Variants in UGGT2 observed in about 807,000 individuals in gnomAD.
The protein encoded by UGGT2 is UDP-glucose glycoprotein glucosyltransferase 2, also known as UDP-glucose:glycoprotein glucosyltransferase 2.
In UGGT2, 180 loss-of-function variants were observed where a neutral mutation model predicts 192.1. The observed-to-expected ratio is 0.94, with a 90% CI of 0.83 to 1.06. The LOEUF (loss-of-function observed/expected upper bound fraction) is 1.06, where lower values mean the gene tolerates loss of function less well. UGGT2 is among the 50% of genes least tolerant of loss of function. UGGT2 has a pLI of 0.00. For synonymous variants in UGGT2, 580 were observed against 591.0 expected (o/e 0.98, Z 0.27); for missense variants, 1,849 against 1,795.7 (o/e 1.03, Z -0.54).
At chr13:95,859,229 G>A (rs1889917798) in intron 33 of UGGT2, among the ~76,000 whole-genome samples, 1 of 152,044 alleles carries the variant, frequency 6.6e-6, no homozygotes, top group Non-Finnish European at 1.5e-5. Flanking sequence ...TATAGTCTTT[G>A]TATTTTCTTG....
intron 30 of UGGT2, among the ~76,000 whole-genome samples, chr13:95,863,995 T>C (rs1890408230): frequency 6.6e-6 from 1 of 152,182 alleles, no homozygotes. Context: ...CATTATCTAC[T>C]AGTATTTCTG....
intron 5 of UGGT2, among the ~76,000 whole-genome samples, chr13:96,011,037 A>G (rs2052145906): frequency 6.6e-6 from 1 of 152,212 alleles, no homozygotes; most frequent in Admixed American, 6.5e-5. Flanking sequence ...AACAAATGTT[A>G]AAACAACTAG....
intron 20 of UGGT2, among the ~76,000 whole-genome samples, chr13:95,909,739 A>G (rs1235579039): frequency 9.2e-6 from 1 of 108,804 alleles, no homozygotes; most frequent in Non-Finnish European, 1.9e-5. Context: ...GTACCCTAAA[A>G]CTTGAAGTAT....
intron 2 of UGGT2, 58 bp downstream of exon 2, chr13:96,031,831 A>T (rs2052844227): frequency 7.6e-7 from 1 of 1,312,400 alleles, no homozygotes; most frequent in Admixed American, 2.0e-5. Context: ...AATAATAAAC[A>T]TTACAATGTG....
intron 20 of UGGT2, among the ~76,000 whole-genome samples, chr13:95,919,687 C>T (rs181809493): frequency 6.6e-6 from 1 of 152,222 alleles, no homozygotes; most frequent in Non-Finnish European, 1.5e-5. Flanking sequence ...CAAACCACTG[C>T]TCAAAGGAAA....
intron 4 of UGGT2, 110 bp from the exon 5 acceptor site, chr13:96,013,591 A>G: frequency 1.4e-6 from 1 of 699,956 alleles, no homozygotes; most frequent in Non-Finnish European, 2.0e-6. Flanking sequence ...AATCACAGAA[A>G]AAGAATTTAA....
intron 36 of UGGT2, among the ~76,000 whole-genome samples, chr13:95,844,864 T>G (rs1038561548): frequency 1.3e-4 from 20 of 152,324 alleles, no homozygotes; most frequent in Admixed American, 1.0e-3. Context: ...CTTGCTGTGT[T>G]TCTGATCTTA....
At chr13:95,915,880 A>G (rs779789923) in intron 20 of UGGT2, among the ~76,000 whole-genome samples, 7 of 152,212 alleles carry the variant, frequency 4.6e-5, no homozygotes, top group Non-Finnish European at 8.8e-5. Flanking sequence ...CCAGGATTAT[A>G]AAGACAGAGC....
intron 17 of UGGT2, among the ~76,000 whole-genome samples, chr13:95,931,320 G>C (rs1431048018): frequency 3.3e-5 from 5 of 152,168 alleles, no homozygotes; most frequent in Non-Finnish European, 5.9e-5. Context: ...CAATCCCTCA[G>C]CTACACATAA....
At chr13:95,932,381 T>C (rs2049317921) in intron 17 of UGGT2, among the ~76,000 whole-genome samples, 1 of 150,750 alleles carries the variant, frequency 6.6e-6, no homozygotes, top group Non-Finnish European at 1.5e-5. Context: ...ACTGCATTCT[T>C]GATTTGGCTC....
chr13:95,878,365 T>C (rs2047399779), intron 27 of UGGT2, among the ~76,000 whole-genome samples: 2 of 152,182 alleles, frequency 1.3e-5, no homozygotes, highest in Admixed American at 1.3e-4. Flanking sequence ...AGAACGCACC[T>C]CAACAGAATA....
chr13:95,909,799 T>TA (rs1172371428), intron 20 of UGGT2, among the ~76,000 whole-genome samples: 5,635 of 76,088 alleles, frequency 0.074, 586 homozygotes, highest in East Asian at 0.16. Context: ...TCCTGCCCAC[T>TA]AAAAAAAAAA....
chr13:95,973,939 G>C (rs1157813670), intron 10 of UGGT2, among the ~76,000 whole-genome samples: 1 of 152,088 alleles, frequency 6.6e-6, no homozygotes, highest in Non-Finnish European at 1.5e-5. Flanking sequence ...TTATTATCAG[G>C]GTAGGCAAAT....
rs1446164732 is a variant in UGGT2, at chr13:96,031,468, C to G, written c.241+421G>C. On this transcript the variant is annotated intron_variant, in intron 2 of 38. Coordinates refer to ENST00000376747, the MANE Select transcript of UGGT2 (RefSeq NM_020121.4). ...ACAGGTGTGAAACACCACACCTGGCCAATTTATTTTATTTTTTTATTTTTC... is the reference window on the plus strand; with the variant it reads ...ACAGGTGTGAAACACCACACCTGGCGAATTTATTTTATTTTTTTATTTTTC... Among the ~76,000 whole-genome samples the G allele has an allele frequency of 2.0e-5, 3 of 152,142 alleles. No homozygotes were observed. The South Asian group carries it at 6.2e-4, about 32-fold the overall frequency.
At chr13:95,858,898 C>G (rs1889885114) in intron 33 of UGGT2, among the ~76,000 whole-genome samples, 1 of 152,124 alleles carries the variant, frequency 6.6e-6, no homozygotes, top group African/African-American at 2.4e-5. Context: ...TAAAAGCATG[C>G]TTGGCTAGTT....
chr13:96,040,042 T>C (rs2053121010), intron 1 of UGGT2, among the ~76,000 whole-genome samples: 1 of 152,220 alleles, frequency 6.6e-6, no homozygotes, highest in Non-Finnish European at 1.5e-5. Context: ...CAAGGCAGTC[T>C]AGGCTTTTAA....
At chr13:95,846,182 G>A (rs896941601) in intron 36 of UGGT2, among the ~76,000 whole-genome samples, 1 of 152,194 alleles carries the variant, frequency 6.6e-6, no homozygotes, top group African/African-American at 2.4e-5. Context: ...CGGCACCTCG[G>A]GAGGCCAAGG....
chr13:96,002,272 T>C (rs2051831310), intron 5 of UGGT2, among the ~76,000 whole-genome samples: 2 of 152,198 alleles, frequency 1.3e-5, no homozygotes, highest in African/African-American at 4.8e-5. Context: ...CAAACTCAGT[T>C]GGGAAAAATT....
intron 1 of UGGT2, among the ~76,000 whole-genome samples, chr13:96,043,252 G>A (rs950058745): frequency 9.2e-5 from 14 of 152,208 alleles, no homozygotes; most frequent in East Asian, 1.9e-4. Flanking sequence ...CAAGAATTTC[G>A]TATCTAGCAA....
Sources: gnomAD v4.1 joint callset for allele counts (sites outside exome capture counted in the v4.1 genomes callset) on GRCh38, gnomAD v4.1.1 for gene constraint, MANE v1.5 for transcripts, NCBI Gene and HGNC (gene_info 2026-07-23, HGNC 2026-07-21) for gene names.